CLSTN2: variants seen among roughly 807,000 people sequenced by gnomAD.
CLSTN2 encodes calsyntenin-2.
Under a neutral mutation model 101.2 loss-of-function variants are expected in CLSTN2, and 48 were observed. The ratio of observed to expected loss-of-function variants is 0.47; its 90% confidence interval spans 0.38 to 0.60. The LOEUF (loss-of-function observed/expected upper bound fraction) is 0.60. Among genes scored for constraint, CLSTN2 ranks in the 20% least tolerant of loss-of-function variants. The pLI, the probability that CLSTN2 is intolerant of heterozygous loss-of-function variation, is 0.00. For synonymous variants in CLSTN2, 481 were observed against 463.6 expected, an observed-to-expected ratio of 1.04 and a Z score of -0.48; for missense variants, 1,160 against 1,238.2, an observed-to-expected ratio of 0.94 and a Z score of 0.95.
At chr3:140,458,567 C>T (rs563644948) in intron 6 of CLSTN2, among the ~76,000 whole-genome samples, 4 of 152,274 alleles carry the variant, frequency 2.6e-5, no homozygotes, top group East Asian at 3.9e-4. Context: ...GGACAGTTGT[C>T]GCCTCTCACC....
chr3:139,973,272 A>G (rs1935746816), intron 1 of CLSTN2, among the ~76,000 whole-genome samples: 1 of 152,220 alleles, frequency 6.6e-6, no homozygotes, highest in South Asian at 2.1e-4. Flanking sequence ...CTTGGATTCA[A>G]GGGAAGCATA....
chr3:140,464,854 C>T (rs1354965668), intron 7 of CLSTN2, among the ~76,000 whole-genome samples: 2 of 152,118 alleles, frequency 1.3e-5, no homozygotes, highest in Non-Finnish European at 2.9e-5. Flanking sequence ...AGATGTTGGC[C>T]GAGGCCAGCC....
chr3:140,318,688 G>C lies in CLSTN2; in HGVS notation c.233-84941G>C, dbSNP rs1323817039. ...GTTCTAGGTACTTACCGTGATGCAG[G>C]AAAGGGTCTGGAAACCTGAGGGTCC... is the stretch of plus-strand genomic sequence containing the variant. On this transcript the variant is annotated intron_variant, in intron 2 of 16. Transcript: ENST00000458420. Among the ~76,000 whole-genome samples the C allele has an allele frequency of 2.0e-5, 3 of 152,184 alleles. No individual in the cohort carries two copies. In the South Asian group the frequency reaches 6.2e-4, roughly 32 times the overall value.
chr3:140,334,019 G>A (rs1300357511), intron 2 of CLSTN2, among the ~76,000 whole-genome samples: 1 of 152,198 alleles, frequency 6.6e-6, no homozygotes, highest in Non-Finnish European at 1.5e-5. Context: ...GAAAGAGCAA[G>A]AGAAGAAGGC....
At chr3:140,229,027 G>A (rs1302732860) in intron 2 of CLSTN2, among the ~76,000 whole-genome samples, 1 of 152,164 alleles carries the variant, frequency 6.6e-6, no homozygotes, top group African/African-American at 2.4e-5. Flanking sequence ...GTCCCTTGAG[G>A]TGAGGAATTA....
Position 140,481,506 on chromosome 3 carries a change from G to C in CLSTN2, c.1344+14775G>C, listed in dbSNP as rs1316887843. ...GAAGAAAGTCATTGGTAGCTTGATG[G>C]GGATGGCATTGAATCTATAAATTAC... On this transcript the variant is annotated intron_variant, in intron 8 of 16. Transcript: ENST00000458420. 5.3e-5 allele frequency among the ~76,000 whole-genome samples: 8 copies of C among 152,290 alleles called. No individual in the cohort carries two copies. In the East Asian group the frequency reaches 1.4e-3, roughly 26 times the overall value.
Position 140,149,794 on chromosome 3 carries a change from A to G in CLSTN2, c.110-26157A>G, listed in dbSNP as rs1167660282. ...TTTTTAGTAGAACCATGTCCAGACT[A>G]TTGTATAAACATACTTATGCTAAAA... On this transcript the variant is annotated intron_variant, in intron 1 of 16. Transcript: ENST00000458420. Among the ~76,000 whole-genome samples, 3 of 152,150 alleles carry G rather than the reference A, an allele frequency of 2.0e-5. No homozygotes were observed. The South Asian group carries it at 6.2e-4, about 32-fold the overall frequency.
At chr3:140,154,247 T>A (rs2009913607) in intron 1 of CLSTN2, among the ~76,000 whole-genome samples, 1 of 152,042 alleles carries the variant, frequency 6.6e-6, no homozygotes, top group Admixed American at 6.6e-5. Flanking sequence ...GAGCCAGTCA[T>A]GTGATGGGGA....
At chr3:140,432,242 A>G (rs1295606194) in intron 5 of CLSTN2, among the ~76,000 whole-genome samples, 1 of 152,176 alleles carries the variant, frequency 6.6e-6, no homozygotes, top group African/African-American at 2.4e-5. Flanking sequence ...ACTGCTGTTC[A>G]GCTTTGGCTT....
rs114958049 is a variant in CLSTN2, at chr3:140,503,678, G to A, written c.1345-28646G>A. Among the ~76,000 whole-genome samples the A allele has an allele frequency of 2.9e-3, 439 of 152,312 alleles. 2 individuals carry two copies. Among genetic ancestry groups the A allele is most frequent in the African/African-American group, 1.0e-2 (414 of 41,566 alleles). On this transcript the variant is annotated intron_variant, in intron 8 of 16. Coordinates refer to ENST00000458420, the MANE Select transcript of CLSTN2 (RefSeq NM_022131.3). ...ACAACACAATAGGAATGCTCTTAAT[G>A]AGCCAGCTCTCCAGGATGTTGTTAG...
At chr3:140,130,708 C>T (rs549957307) in intron 1 of CLSTN2, among the ~76,000 whole-genome samples, 1 of 152,120 alleles carries the variant, frequency 6.6e-6, no homozygotes, top group Non-Finnish European at 1.5e-5. Context: ...GGATGAGGCT[C>T]CTGACCCAGC....
At chr3:139,985,420 T>C (rs934058038) in intron 1 of CLSTN2, among the ~76,000 whole-genome samples, 10 of 152,162 alleles carry the variant, frequency 6.6e-5, no homozygotes, top group African/African-American at 2.4e-4. Context: ...ACCTCTTAGA[T>C]GACCCTCTCA....
chr3:140,469,787 A>G (rs1199437032), intron 8 of CLSTN2, among the ~76,000 whole-genome samples: 3 of 152,204 alleles, frequency 2.0e-5, no homozygotes, highest in Admixed American at 6.5e-5. Context: ...TGTCAAGATT[A>G]AAAGAAGGGA....
intron 1 of CLSTN2, among the ~76,000 whole-genome samples, chr3:140,172,064 G>T (rs1160587051): frequency 6.6e-6 from 1 of 150,582 alleles, no homozygotes; most frequent in African/African-American, 2.4e-5. Context: ...TACCTCACAG[G>T]ATGCTGTGGG....
intron 1 of CLSTN2, among the ~76,000 whole-genome samples, chr3:140,117,142 A>C (rs1477265799): frequency 6.6e-6 from 1 of 152,074 alleles, no homozygotes; most frequent in East Asian, 1.9e-4. Context: ...AGTTCTGCTC[A>C]GGCATCCTCC....
intron 1 of CLSTN2, among the ~76,000 whole-genome samples, chr3:139,999,251 T>C (rs2006764130): frequency 6.6e-6 from 1 of 152,162 alleles, no homozygotes; most frequent in South Asian, 2.1e-4. Flanking sequence ...GTGATGTTGC[T>C]CCCTCCCTCC....
At chr3:140,490,596 G>GA (rs71149081) in intron 8 of CLSTN2, among the ~76,000 whole-genome samples, 8,940 of 90,002 alleles carry the variant, frequency 0.099, 406 homozygotes, top group Non-Finnish European at 0.12. Flanking sequence ...CCTTGTCTCA[G>GA]AAAAAAAAAA....
At chr3:140,237,362 G>A (rs901383670) in intron 2 of CLSTN2, among the ~76,000 whole-genome samples, 1 of 152,114 alleles carries the variant, frequency 6.6e-6, no homozygotes, top group Non-Finnish European at 1.5e-5. Flanking sequence ...AAAGCTCCAG[G>A]GATTATTCTG....
At chr3:140,084,298 A>G (rs1365180824) in intron 1 of CLSTN2, among the ~76,000 whole-genome samples, 8 of 152,338 alleles carry the variant, frequency 5.3e-5, no homozygotes, top group Non-Finnish European at 7.3e-5. Flanking sequence ...GGATGTGACT[A>G]TATGAAATAA....
Sources: gnomAD v4.1 joint callset for allele counts (sites outside exome capture counted in the v4.1 genomes callset) on GRCh38, gnomAD v4.1.1 for gene constraint, MANE v1.5 for transcripts, NCBI Gene and HGNC (gene_info 2026-07-23, HGNC 2026-07-21) for gene names.